Variants in MICU1 observed in about 807,000 individuals in gnomAD.
The protein encoded by MICU1 is mitochondrial calcium uptake 1.
MICU1 carries 45 observed loss-of-function variants against 56.8 expected under a neutral mutation model. The observed-to-expected ratio is 0.79, with a 90% confidence interval of 0.62 to 1.02. The LOEUF is 1.02. MICU1 is among the 50% of genes least tolerant of loss of function. The pLI is 0.00. For missense variants in MICU1, 504 were observed against 587.1 expected (o/e 0.86, Z 1.46); for synonymous variants, 186 against 195.1 (o/e 0.95, Z 0.39).
intron 8 of MICU1, among the ~76,000 whole-genome samples, chr10:72,437,485 A>C (rs1332898679): frequency 6.6e-6 from 1 of 152,206 alleles, no homozygotes; most frequent in Non-Finnish European, 1.5e-5. Flanking sequence ...GAAACTGCAT[A>C]ATTTAATAGG....
intron 8 of MICU1, among the ~76,000 whole-genome samples, chr10:72,463,955 TTTAC>T (rs1273440815): frequency 1.3e-5 from 2 of 152,202 alleles, no homozygotes; most frequent in Non-Finnish European, 2.9e-5. Flanking sequence ...CTTAGATATG[TTTAC>T]TTACACAAAT....
chr10:72,554,691 A>AATAT (rs1443467267), intron 3 of MICU1, among the ~76,000 whole-genome samples: 1 of 152,262 alleles, frequency 6.6e-6, no homozygotes, highest in East Asian at 1.9e-4. Flanking sequence ...ATATCTGTAT[A>AATAT]AAACAACAGT....
chr10:72,375,577 G>T (rs894939995), intron 11 of MICU1, among the ~76,000 whole-genome samples: 2 of 152,220 alleles, frequency 1.3e-5, no homozygotes. Flanking sequence ...ATTATAAGAA[G>T]AAGAAATGGA....
rs151222751 is a variant in MICU1, at chr10:72,600,761, C to G, written c.-2+25249G>C. Among the ~76,000 whole-genome samples, 73 of 151,882 alleles carry G rather than the reference C, an allele frequency of 4.8e-4. No individual in the cohort carries two copies. The East Asian group carries it at 0.014, about 29-fold the overall frequency. On this transcript the variant is annotated intron_variant, in intron 1 of 11. Coordinates refer to ENST00000361114, the MANE Select transcript of MICU1 (RefSeq NM_001195518.2). ...AAGTGCTTAGTTAAAATGTGAAAAG[C>G]ATTAAATTTGTGAGTAGAAGACATA...
At chr10:72,461,821 G>T (rs939557116) in intron 8 of MICU1, among the ~76,000 whole-genome samples, 1 of 152,166 alleles carries the variant, frequency 6.6e-6, no homozygotes, top group African/African-American at 2.4e-5. Context: ...TGTGGTGGTG[G>T]GCACCTGTAG....
intron 1 of MICU1, among the ~76,000 whole-genome samples, chr10:72,591,597 C>A (rs1841226214): frequency 6.6e-6 from 1 of 152,122 alleles, no homozygotes. Flanking sequence ...CTATGAACAA[C>A]TGTATACCAA....
At chr10:72,408,174 A>G (rs1164768722) in intron 9 of MICU1, 137 bp from the exon 10 acceptor site, 2 of 581,268 alleles carry the variant, frequency 3.4e-6, no homozygotes, top group African/African-American at 3.8e-5. Flanking sequence ...TTAGTCAAGG[A>G]ATATCAAATT....
intron 8 of MICU1, among the ~76,000 whole-genome samples, chr10:72,426,754 T>C (rs1042203681): frequency 1.3e-5 from 2 of 152,156 alleles, no homozygotes; most frequent in African/African-American, 4.8e-5. Flanking sequence ...TTCCAAAATC[T>C]GAAACTGCTG....
At chr10:72,500,042 C>A (rs1866972730) in intron 6 of MICU1, among the ~76,000 whole-genome samples, 1 of 151,724 alleles carries the variant, frequency 6.6e-6, no homozygotes, top group Non-Finnish European at 1.5e-5. Context: ...ACTGTGAAAA[C>A]ACTTAATTCA....
At chr10:72,523,587 C>A (rs1042357952) in intron 5 of MICU1, among the ~76,000 whole-genome samples, 1 of 151,824 alleles carries the variant, frequency 6.6e-6, no homozygotes, top group African/African-American at 2.4e-5. Context: ...TAAAGAGCAC[C>A]CTGTGGTCTT....
intron 4 of MICU1, among the ~76,000 whole-genome samples, chr10:72,541,130 C>T (rs1839763432): frequency 6.6e-6 from 1 of 152,230 alleles, no homozygotes; most frequent in Non-Finnish European, 1.5e-5. Context: ...GTCTCATAGG[C>T]TAGCTGTCCT....
intron 1 of MICU1, among the ~76,000 whole-genome samples, chr10:72,597,732 G>A (rs896892831): frequency 6.6e-6 from 1 of 151,930 alleles, no homozygotes; most frequent in African/African-American, 2.4e-5. Flanking sequence ...AACATTTTTT[G>A]TAATTTTTGC....
At chr10:72,476,987 A>C (rs1238457261) in intron 7 of MICU1, among the ~76,000 whole-genome samples, 187 bp downstream of exon 7, 1 of 152,256 alleles carries the variant, frequency 6.6e-6, no homozygotes, top group Admixed American at 6.5e-5. Context: ...CATTACATTT[A>C]GAGTGAAAAC....
At chr10:72,611,671 G>T (rs116728811) in intron 1 of MICU1, among the ~76,000 whole-genome samples, 78 of 152,190 alleles carry the variant, frequency 5.1e-4, no homozygotes, top group Non-Finnish European at 4.3e-4. Context: ...CAGTTTTGAC[G>T]AGAGGTACAT....
At chr10:72,596,271 C>T (rs772807867) in intron 1 of MICU1, among the ~76,000 whole-genome samples, 4 of 152,030 alleles carry the variant, frequency 2.6e-5, no homozygotes, top group African/African-American at 7.2e-5. Context: ...CACTGTGCCC[C>T]GCTGAAACAT....
intron 10 of MICU1, among the ~76,000 whole-genome samples, chr10:72,383,077 AC>A (rs1237535598): frequency 6.6e-6 from 1 of 152,130 alleles, no homozygotes; most frequent in Non-Finnish European, 1.5e-5. Context: ...CCTCATCTCT[AC>A]GAAAAATTTT....
At position 72,395,201 on chromosome 10, in the gene MICU1, G is replaced by C. The variant is rs1863208057; in HGVS notation, c.1180+12728C>G. On this transcript the variant is annotated intron_variant, in intron 10 of 11. Transcript: ENST00000361114. The stretch of plus-strand genomic sequence containing the variant: ...CTCAAAAATTTTTGTATTTTCAGTA[G>C]AGACGGGGTTTCACCTTGTTAGCCA... 2.0e-5 allele frequency among the ~76,000 whole-genome samples: 3 copies of C among 151,918 alleles called. No individual in the cohort carries two copies. In the South Asian group the frequency reaches 6.2e-4, roughly 32 times the overall value.
chr10:72,399,905 C>A (rs1564846048), intron 10 of MICU1, among the ~76,000 whole-genome samples: 1 of 152,196 alleles, frequency 6.6e-6, no homozygotes. Context: ...TTGCAGTGAG[C>A]TGAAACTGCG....
Position 72,566,634 on chromosome 10 carries a change from TC to T in MICU1, c.159del (p.Arg54GlyfsTer10). The T allele has an allele frequency of 1.9e-6, 3 of 1,611,614 alleles. No individual in the cohort carries two copies. The highest frequency in any genetic ancestry group is 2.5e-6 in the Non-Finnish European group (3 of 1,178,900). On this transcript the variant is annotated frameshift_variant and splice_region_variant, in exon 2 of 12. Coordinates refer to ENST00000361114, the MANE Select transcript of MICU1 (RefSeq NM_001195518.2). LOFTEE classifies it high-confidence loss of function. ...AVTASTGLLW[K>X]RAHAESPPCV... ...ACAAGATGGTTGGATAACACTCACC[TC>T]TTCCACAAAAGACCAGTACTTGCAG... is the stretch of plus-strand genomic sequence containing the variant.
Sources: allele counts gnomAD v4.1 joint callset (sites outside exome capture counted in the v4.1 genomes callset), GRCh38; gene constraint gnomAD v4.1.1; transcripts MANE v1.5; gene names NCBI Gene and HGNC (gene_info 2026-07-23, HGNC 2026-07-21).